Variants in RBBP8NL observed in about 807,000 individuals in gnomAD.
The protein encoded by RBBP8NL is RBBP8 N-terminal-like protein.
RBBP8NL carries 59 observed loss-of-function variants against 62.2 expected under a neutral mutation model. The observed-to-expected ratio is 0.95, with a 90% CI of 0.77 to 1.18. RBBP8NL has a LOEUF of 1.18. Among genes scored for constraint, RBBP8NL ranks in the 50% most tolerant of loss-of-function variants. The pLI, the probability that RBBP8NL is intolerant of heterozygous loss-of-function variation, is 0.00. For missense variants in RBBP8NL, 896 were observed against 899.5 expected, an observed-to-expected ratio of 1.00 and a Z score of 0.05; for synonymous variants, 412 against 394.1, an observed-to-expected ratio of 1.05 and a Z score of -0.54.
chr20:62,410,436 T>C lies in RBBP8NL; in HGVS notation c.*442A>G, dbSNP rs115453770. ...CCGTTGCCTCCCAGAGCGTGGGCAC[T>C]GCCTGGGAACGGCTGCAGTGCACAG... is the stretch of plus-strand genomic sequence containing the variant. On this transcript the variant is annotated 3_prime_UTR_variant, in exon 14 of 14. Coordinates refer to ENST00000252998, the MANE Select transcript of RBBP8NL (RefSeq NM_080833.3). 2,446 of 160,578 alleles carry C rather than the reference T, an allele frequency of 0.015. 61 individuals carry two copies. Among genetic ancestry groups the C allele is most frequent in the African/African-American group, 0.054 (2,261 of 41,864 alleles). The allele number at this position is 160,578 out of a possible 1,614,324, so 9.9% of individuals were successfully genotyped here.
Position 62,414,392 on chromosome 20 carries a change from T to C in RBBP8NL, c.959A>G (p.Gln320Arg). 5.8e-6 allele frequency: 9 copies of C among 1,539,312 alleles called. No homozygotes were observed. The highest frequency in any genetic ancestry group is 1.2e-5 in the South Asian group (1 of 84,266). ...CTCTGCTTCTCTGGCCTTCAGGTCC[T>C]GGAGCCGGGGGTCGCTGGGGGCTGC... ...PAAAPSDPRL[Q>R]DLKAREAEAW... The change falls in exon 10 of 14, where the codon CAG (glutamine) becomes CGG (arginine). Residue 320 changes from glutamine to arginine, a missense_variant. Transcript: ENST00000252998.
chr20:62,425,339 C>G (rs944392508), intron 1 of RBBP8NL, among the ~76,000 whole-genome samples: 2 of 152,188 alleles, frequency 1.3e-5, no homozygotes, highest in Non-Finnish European at 2.9e-5. Context: ...GAGGACGCAG[C>G]CCTCCCCACG....
intron 1 of RBBP8NL, among the ~76,000 whole-genome samples, chr20:62,422,570 G>GCCACT (rs1988724975): frequency 6.8e-6 from 1 of 147,228 alleles, no homozygotes; most frequent in Non-Finnish European, 1.5e-5. Context: ...GGGGACTGGG[G>GCCACT]TGGGGATGGC....
chr20:62,421,693 A>G (rs1014511668), intron 1 of RBBP8NL, among the ~76,000 whole-genome samples: 14 of 132,434 alleles, frequency 1.1e-4, no homozygotes, highest in Admixed American at 4.6e-4. Flanking sequence ...GCCAGTGTGC[A>G]TGTGTGTGGC....
intron 11 of RBBP8NL, 85 bp from the exon 12 acceptor site, chr20:62,412,985 A>G (rs958778412): frequency 2.7e-6 from 4 of 1,468,838 alleles, no homozygotes; most frequent in Non-Finnish European, 3.8e-6. Context: ...GGTGGAGCCA[A>G]CTCTGCAGAT....
chr20:62,418,521 G>T, intron 2 of RBBP8NL, 56 bp from the exon 3 acceptor site: 1 of 1,484,900 alleles, frequency 6.7e-7, no homozygotes. Context: ...TTCACCTTCA[G>T]TGTCCCCACC....
chr20:62,425,795 C>T (rs192420983), intron 1 of RBBP8NL, among the ~76,000 whole-genome samples: 137 of 152,368 alleles, frequency 9.0e-4, no homozygotes, highest in African/African-American at 2.1e-3. Flanking sequence ...TGGTACCCTC[C>T]GTCTCTGAGG....
chr20:62,422,729 G>A (rs145793870), intron 1 of RBBP8NL, among the ~76,000 whole-genome samples: 149 of 152,224 alleles, frequency 9.8e-4, no homozygotes, highest in Non-Finnish European at 1.8e-3. Flanking sequence ...AACTCTTGCC[G>A]AGCCCTTGCA....
In RBBP8NL at chr20:62,413,507, C is replaced by A; in HGVS notation, c.1569G>T (p.Leu523=). ...CATCTTCTGTACTGCCTGGAGAGGACAGGCTGAGCTGGGACCCTGGAAGTG... is the reference window on the plus strand; with the variant it reads ...CATCTTCTGTACTGCCTGGAGAGGAAAGGCTGAGCTGGGACCCTGGAAGTG... ...SRPLPGSQLS[L]SSPGSTEDED... The change falls in exon 11 of 14, where the codon CTG becomes CTT. Residue 523 remains leucine (L), a synonymous_variant. Coordinates refer to ENST00000252998, the MANE Select transcript of RBBP8NL (RefSeq NM_080833.3). The A allele has an allele frequency of 6.6e-7, 1 of 1,520,120 alleles. No homozygotes were observed. The highest frequency in any genetic ancestry group is 8.8e-7 in the Non-Finnish European group (1 of 1,140,718). The allele number at this position is 1,520,120 out of a possible 1,614,324, so 94.2% of individuals were successfully genotyped here. A position where few individuals can be genotyped will look rare whatever the true frequency, so the allele number is the denominator to read the frequency against.
rs888443744 is a variant in RBBP8NL at position 62,415,458 on chromosome 20, G to A, written c.627+120C>T. 4 of 1,387,016 alleles carry A rather than the reference G, an allele frequency of 2.9e-6. No homozygotes were observed. In the African/African-American group the frequency reaches 5.7e-5, roughly 20 times the overall value. 85.9% of individuals were successfully genotyped at this position (1,387,016 alleles called of 1,614,324 possible). ...CGCAGTGGCTCCTGCCCGGGACAAA[G>A]GAGGGGCACATTCAGGGTTAGGCGC... On this transcript the variant is annotated intron_variant, in intron 8 of 13. Transcript: ENST00000252998.
chr20:62,421,841 G>A (rs562436461), intron 1 of RBBP8NL, among the ~76,000 whole-genome samples: 1 of 151,710 alleles, frequency 6.6e-6, no homozygotes, highest in Non-Finnish European at 1.5e-5. Flanking sequence ...ACCCGAGCCA[G>A]TGTGCATGTG....
chr20:62,423,332 A>G (rs1988745599), intron 1 of RBBP8NL, among the ~76,000 whole-genome samples: 1 of 152,182 alleles, frequency 6.6e-6, no homozygotes, highest in Non-Finnish European at 1.5e-5. Context: ...GTGGGTCTGC[A>G]TGCTCTGCCT....
Position 62,415,925 on chromosome 20 carries a change from G to T in RBBP8NL, c.407C>A (p.Ala136Asp). 2 of 1,556,176 alleles carry T rather than the reference G, an allele frequency of 1.3e-6. No homozygotes were observed. The highest frequency in any genetic ancestry group is 8.7e-7 in the Non-Finnish European group (1 of 1,153,194). The part of the protein sequence containing the change: ...RGLGDRPKPR[A>D]KEGTSDPPSP... ...GGGGGGGTCCGAGGTGCCCTCCTTG[G>T]CCCGGGGCTTGGGCCTGTCTCTAGA... The change falls in exon 7 of 14, where the codon GCC (alanine) becomes GAC (aspartate). Residue 136 changes from alanine (A) to aspartate (D), a missense_variant. By Grantham distance (126) the Ala-to-Asp change is moderately radical (BLOSUM62 -2). Transcript: ENST00000252998.
At chr20:62,417,831 A>G (rs74591026) in intron 3 of RBBP8NL, among the ~76,000 whole-genome samples, 3 of 30,428 alleles carry the variant, frequency 9.9e-5, no homozygotes, top group Admixed American at 5.3e-4. Flanking sequence ...ACGCCCCCCC[A>G]GTCATCTGCA....
intron 1 of RBBP8NL, among the ~76,000 whole-genome samples, chr20:62,424,736 CT>C (rs1256015911): frequency 6.6e-6 from 1 of 152,186 alleles, no homozygotes; most frequent in Non-Finnish European, 1.5e-5. Context: ...CCACCTCCCT[CT>C]AAAGGCCCCC....
At chr20:62,423,450 G>A (rs1988747955) in intron 1 of RBBP8NL, among the ~76,000 whole-genome samples, 1 of 152,188 alleles carries the variant, frequency 6.6e-6, no homozygotes, top group Admixed American at 6.5e-5. Flanking sequence ...GGCCTCCCTG[G>A]GCTCAAGCAG....
chr20:62,414,294 C>A lies in RBBP8NL; in HGVS notation c.1057G>T (p.Gly353Trp), dbSNP rs1049611315. 1.3e-6 allele frequency: 2 copies of A among 1,573,698 alleles called. No homozygotes were observed. Among genetic ancestry groups the A allele is most frequent in the African/African-American group, 2.7e-5 (2 of 74,346 alleles). Residue 353 changes from glycine (G) to tryptophan (W), a missense_variant, in exon 10 of 14, where the codon GGG (glycine) becomes TGG (tryptophan). Physicochemically the swap from Gly to Trp is radical, Grantham distance 184 (BLOSUM62 -2). Coordinates refer to ENST00000252998, the MANE Select transcript of RBBP8NL (RefSeq NM_080833.3). ...TGGGCCAGGAGCAGGTGCAGTGCCC[C>A]CTCCAGGCGAAGGTCCTGCATGCCC... ...LAGMQDLRLE[G>W]ALHLLLAQQQ...
chr20:62,416,286 GGCAGGGGT>G, intron 5 of RBBP8NL, 50 bp from the exon 6 acceptor site: 2 of 1,208,022 alleles, frequency 1.7e-6, no homozygotes, highest in African/African-American at 1.5e-5. Context: ...GGGGGACAGG[GGCAGGGGT>G]GGGGTCGTCA....
At chr20:62,426,083 T>C (rs1316051530) in intron 1 of RBBP8NL, among the ~76,000 whole-genome samples, 3 of 150,402 alleles carry the variant, frequency 2.0e-5, no homozygotes, top group African/African-American at 7.4e-5. Flanking sequence ...ACAGTGGCAG[T>C]GGAAGTAGCA....
Sources: gnomAD v4.1 joint callset for allele counts (sites outside exome capture counted in the v4.1 genomes callset) on GRCh38, gnomAD v4.1.1 for gene constraint, MANE v1.5 for transcripts, NCBI Gene and HGNC (gene_info 2026-07-23, HGNC 2026-07-21) for gene names.